Variants in SPEF2 observed in about 807,000 individuals in gnomAD.
The protein encoded by SPEF2 is sperm flagellar and cilia associated 2.
A neutral mutation model predicts 224.6 loss-of-function variants in SPEF2; 187 were observed. The ratio of observed to expected loss-of-function variants is 0.83; its 90% CI spans 0.74 to 0.94. The LOEUF (loss-of-function observed/expected upper bound fraction) is 0.94, where lower values mean the gene tolerates loss of function less well. Among genes scored for constraint, SPEF2 ranks in the 40% least tolerant of loss-of-function variants. SPEF2 has a pLI of 0.00. For missense variants in SPEF2, 2,170 were observed against 2,135.6 expected (o/e 1.02, Z -0.32); for synonymous variants, 715 against 707.3 (o/e 1.01, Z -0.17).
intron 27 of SPEF2, 93 bp from the exon 28 acceptor site, chr5:35,773,800 A>T (rs1347354634): frequency 1.4e-6 from 2 of 1,424,734 alleles, no homozygotes; most frequent in Non-Finnish European, 9.3e-7. Context: ...TTTATAGCTT[A>T]ACAAACTTTG....
intron 10 of SPEF2, among the ~76,000 whole-genome samples, chr5:35,689,510 C>T (rs1754139979): frequency 6.6e-6 from 1 of 152,148 alleles, no homozygotes; most frequent in African/African-American, 2.4e-5. Flanking sequence ...CTCTCCCCAT[C>T]TCCTCCCTCT....
At chr5:35,650,018 G>T (rs1747952350) in intron 6 of SPEF2, among the ~76,000 whole-genome samples, 1 of 152,064 alleles carries the variant, frequency 6.6e-6, no homozygotes, top group Non-Finnish European at 1.5e-5. Flanking sequence ...AACAACTTGG[G>T]TTTTTTTATA....
Position 35,659,223 on chromosome 5 carries a change from C to T in SPEF2, c.1167+16C>T. 6.4e-7 allele frequency: 1 copy of T among 1,569,288 alleles called. No homozygotes were observed. Among genetic ancestry groups the T allele is most frequent in the Non-Finnish European group, 8.7e-7 (1 of 1,153,734 alleles). On this transcript the variant is annotated intron_variant, in intron 8 of 36. Transcript: ENST00000356031. ...TCGAGAAGCGGTAAATACCATCTTC[C>T]TTAGAAATCTTTCTAAGGTTACTTT...
rs572132734 is a variant in SPEF2, at chr5:35,789,007, T to C, written c.4448-3333T>C. On this transcript the variant is annotated intron_variant, in intron 30 of 36. Coordinates refer to ENST00000356031, the MANE Select transcript of SPEF2 (RefSeq NM_024867.4). Reference sequence around the variant, plus strand: ...TCCAGAACTTTCTCAAGGGATATCCTGCAATTGTTCGGCAACTGCACTCAG... The same window carrying C: ...TCCAGAACTTTCTCAAGGGATATCCCGCAATTGTTCGGCAACTGCACTCAG... 2.2e-5 allele frequency: 15 copies of C among 696,106 alleles called. No homozygotes were observed. In the African/African-American group the frequency reaches 2.5e-4, roughly 11 times the overall value. 43.1% of individuals were successfully genotyped at this position (696,106 alleles called of 1,614,324 possible).
Position 35,648,772 on chromosome 5 carries a change from G to A in SPEF2, c.727-589G>A, listed in dbSNP as rs563216022. 4.6e-5 allele frequency among the ~76,000 whole-genome samples: 7 copies of A among 152,252 alleles called. No individual in the cohort carries two copies. In the South Asian group the frequency reaches 1.2e-3, roughly 27 times the overall value. ...CATTTTTAAAGAAATATTTGACTTTGGAAGGCCGAGGCGGGAGGATCACCT... is the reference window on the plus strand; with the variant it reads ...CATTTTTAAAGAAATATTTGACTTTAGAAGGCCGAGGCGGGAGGATCACCT... On this transcript the variant is annotated intron_variant, in intron 5 of 36. Coordinates refer to ENST00000356031, the MANE Select transcript of SPEF2 (RefSeq NM_024867.4).
intron 36 of SPEF2, among the ~76,000 whole-genome samples, chr5:35,809,605 G>A (rs1395024922): frequency 1.3e-5 from 2 of 152,104 alleles, no homozygotes; most frequent in Non-Finnish European, 2.9e-5. Context: ...TGAATAGCCT[G>A]GGAAAGGTAT....
At chr5:35,690,972 A>T in intron 10 of SPEF2, 65 bp from the exon 11 acceptor site, 1 of 1,339,790 alleles carries the variant, frequency 7.5e-7, no homozygotes, top group South Asian at 1.4e-5. Context: ...TAACATTTAA[A>T]TATTTCATAT....
At chr5:35,758,199 A>G (rs2149741593) in intron 24 of SPEF2, among the ~76,000 whole-genome samples, 1 of 151,906 alleles carries the variant, frequency 6.6e-6, no homozygotes, top group South Asian at 2.1e-4. Context: ...TAAGGCTTTG[A>G]ACATTAGGTC....
chr5:35,677,812 C>G (rs925890400), intron 10 of SPEF2, among the ~76,000 whole-genome samples: 1 of 152,220 alleles, frequency 6.6e-6, no homozygotes, highest in African/African-American at 2.4e-5. Flanking sequence ...GAGGATCTCC[C>G]AGAATGGCTT....
intron 19 of SPEF2, among the ~76,000 whole-genome samples, chr5:35,712,244 T>C (rs559236196): frequency 2.0e-5 from 3 of 151,948 alleles, no homozygotes; most frequent in African/African-American, 7.2e-5. Context: ...TTTATTTTAT[T>C]TTATTATTTT....
At position 35,670,125 on chromosome 5, in the gene SPEF2, A is replaced by G; in HGVS notation, c.1422A>G (p.Glu474=). 25 of 1,612,372 alleles carry G rather than the reference A, an allele frequency of 1.6e-5. No homozygotes were observed. Among genetic ancestry groups the G allele is most frequent in the Non-Finnish European group, 2.0e-5 (24 of 1,178,966 alleles). The stretch of plus-strand genomic sequence containing the variant: ...TTTTTAATGCAAAACCCATATATGA[A>G]CAAGCCTCTGTTAAGACACTACCTG... ...ELFFNAKPIY[E]QASVKTLPAN... The change falls in exon 10 of 37, where the codon GAA becomes GAG. Residue 474 remains glutamate (E), a synonymous_variant. Transcript: ENST00000356031.
At chr5:35,675,721 G>A (rs982249092) in intron 10 of SPEF2, 25 of 287,028 alleles carry the variant, frequency 8.7e-5, no homozygotes, top group South Asian at 8.1e-4. Context: ...GGCTTTCAAC[G>A]TGTTAGCCAG....
At chr5:35,733,145 C>T (rs1051222214) in intron 21 of SPEF2, among the ~76,000 whole-genome samples, 30 of 151,458 alleles carry the variant, frequency 2.0e-4, no homozygotes, top group Non-Finnish European at 3.7e-4. Flanking sequence ...GATGGAGTCT[C>T]GCTCTGTCAC....
intron 30 of SPEF2, among the ~76,000 whole-genome samples, chr5:35,787,034 T>C (rs1755248503): frequency 6.6e-6 from 1 of 152,222 alleles, no homozygotes; most frequent in Non-Finnish European, 1.5e-5. Context: ...GGAACACATA[T>C]ATGTGATCTA....
At chr5:35,759,386 GTTATCT>G (rs1221724259) in intron 24 of SPEF2, among the ~76,000 whole-genome samples, 176 bp from the exon 25 acceptor site, 34 of 152,280 alleles carry the variant, frequency 2.2e-4, no homozygotes, top group African/African-American at 7.9e-4. Flanking sequence ...AAAGTCACTA[GTTATCT>G]TTAATTTTAA....
At chr5:35,679,878 A>G (rs1273452536) in intron 10 of SPEF2, among the ~76,000 whole-genome samples, 3 of 152,146 alleles carry the variant, frequency 2.0e-5, no homozygotes, top group Non-Finnish European at 4.4e-5. Flanking sequence ...CTTCCCAAAC[A>G]TGATTCACTT....
At chr5:35,749,553 C>A (rs1005955351) in intron 23 of SPEF2, among the ~76,000 whole-genome samples, 1 of 151,994 alleles carries the variant, frequency 6.6e-6, no homozygotes, top group Non-Finnish European at 1.5e-5. Flanking sequence ...CTTCTATACA[C>A]CAACATCGAC....
At chr5:35,679,208 T>G (rs1040084768) in intron 10 of SPEF2, among the ~76,000 whole-genome samples, 1 of 152,174 alleles carries the variant, frequency 6.6e-6, no homozygotes, top group African/African-American at 2.4e-5. Flanking sequence ...TTCCCTCTGG[T>G]AGGAGACCAG....
At chr5:35,707,175 A>G (rs920019003) in intron 18 of SPEF2, among the ~76,000 whole-genome samples, 1 of 152,216 alleles carries the variant, frequency 6.6e-6, no homozygotes, top group Non-Finnish European at 1.5e-5. Context: ...AACTAAAAGA[A>G]TGTGGTACTT....
Sources: gnomAD v4.1 joint callset for allele counts (sites outside exome capture counted in the v4.1 genomes callset) on GRCh38, gnomAD v4.1.1 for gene constraint, MANE v1.5 for transcripts, NCBI Gene and HGNC (gene_info 2026-07-23, HGNC 2026-07-21) for gene names.